Variants in AMOT observed in about 807,000 individuals in gnomAD.
AMOT encodes the protein angiomotin.
AMOT carries 11 observed loss-of-function variants against 67.0 expected under a neutral mutation model. The ratio of observed to expected loss-of-function variants is 0.16; its 90% CI spans 0.10 to 0.27. The LOEUF (loss-of-function observed/expected upper bound fraction) is 0.27, where lower values mean the gene tolerates loss of function less well. Among genes scored for constraint, AMOT ranks in the 10% least tolerant of loss-of-function variants. The pLI is 1.00. For missense variants in AMOT, 753 were observed against 852.0 expected (o/e 0.88, Z 1.45); for synonymous variants, 326 against 321.4 (o/e 1.01, Z -0.15).
intron 8 of AMOT, among the ~76,000 whole-genome samples, chrX:112,792,581 G>GT (rs1285127612): frequency 1.8e-5 from 2 of 111,790 alleles, no homozygotes; most frequent in Non-Finnish European, 3.8e-5. Context: ...CTGCTCTCCT[G>GT]GAAAGTTTCT....
intron 8 of AMOT, among the ~76,000 whole-genome samples, chrX:112,797,419 C>G (rs1018612205): frequency 1.8e-5 from 2 of 111,602 alleles, no homozygotes; most frequent in Non-Finnish European, 3.8e-5. Flanking sequence ...CAGACACACA[C>G]ACACCCACCC....
intron 4 of AMOT, among the ~76,000 whole-genome samples, chrX:112,820,662 C>A (rs4829455): frequency 0.12 from 12,869 of 111,018 alleles, 752 homozygotes; most frequent in Admixed American, 0.2. Flanking sequence ...CATCAACAGA[C>A]TCTTCCATAC....
At chrX:112,799,104 C>T (rs898934685) in intron 8 of AMOT, among the ~76,000 whole-genome samples, 6 of 112,134 alleles carry the variant, frequency 5.4e-5, no homozygotes, top group African/African-American at 1.6e-4. Flanking sequence ...CATTTATTCA[C>T]TAGTGGACAA....
At chrX:112,781,175 C>T (rs1933152943) in intron 11 of AMOT, 57 bp from the exon 12 acceptor site, 2 of 1,087,610 alleles carry the variant, frequency 1.8e-6, no homozygotes, top group African/African-American at 1.8e-5. Context: ...GGCGCGGTGG[C>T]TTACGCCTGT....
rs1934564160 is a variant in AMOT, at chrX:112,816,447, T to TA, written c.873-571dup. On this transcript the variant is annotated intron_variant, in intron 4 of 13. Coordinates refer to ENST00000371959, the MANE Select transcript of AMOT (RefSeq NM_001113490.2). ...AACTATTCAAGGATTGGTAGATACT[T>TA]ATATTAGAGACACTAAATGATTATT... Among the ~76,000 whole-genome samples, 3 of 111,760 alleles carry TA rather than the reference T, an allele frequency of 2.7e-5. 1 individual carries two copies. The Admixed American group carries it at 2.9e-4, about 11-fold the overall frequency.
At chrX:112,831,105 A>G (rs923455045) in intron 2 of AMOT, among the ~76,000 whole-genome samples, 1 of 109,960 alleles carries the variant, frequency 9.1e-6, no homozygotes, top group African/African-American at 3.3e-5. Flanking sequence ...TGGTCAATGT[A>G]TTATAGACAG....
chrX:112,811,268 A>G lies in AMOT; in HGVS notation c.1518T>C (p.Asp506=). 1 of 1,210,949 alleles carries G rather than the reference A, an allele frequency of 8.3e-7. No individual in the cohort carries two copies. The change falls in exon 6 of 14, where the codon GAT becomes GAC. Residue 506 remains aspartate (D), a synonymous_variant. Transcript: ENST00000371959. ...CCTCACCTCTCAGATCCCTGTTGAA[A>G]TCATGCATCCTCCGAATCTCGCCCT... is the stretch of plus-strand genomic sequence containing the variant. The part of the protein sequence containing the change: ...KLEGEIRRMH[D]FNRDLRERLE...
chrX:112,815,416 T>C lies in AMOT; in HGVS notation c.1334A>G (p.Asn445Ser), dbSNP rs964738689. 11 of 1,210,120 alleles carry C rather than the reference T, an allele frequency of 9.1e-6. No homozygotes were observed. The Admixed American group carries it at 2.0e-4, about 22-fold the overall frequency. The change falls in exon 5 of 14, where the codon AAC becomes AGC. Residue 445 changes from asparagine to serine, a missense_variant. By Grantham distance (46) the Asn-to-Ser change is conservative. Around this residue, in one of 5 missense-constraint regions of AMOT, gnomAD observed 297 missense variants for 284.3 expected, o/e 1.04. Coordinates refer to ENST00000371959, the MANE Select transcript of AMOT (RefSeq NM_001113490.2). Reference sequence around the variant, plus strand: ...TTCCAACTCTTGCCTCAAGTTCCGGTTCTCGTCTGAGAGGATCTCAACCAT... The same window carrying C: ...TTCCAACTCTTGCCTCAAGTTCCGGCTCTCGTCTGAGAGGATCTCAACCAT... ...QQMVEILSDE[N>S]RNLRQELEGC...
chrX:112,807,113 GA>G (rs1381310102), intron 7 of AMOT, among the ~76,000 whole-genome samples: 3 of 111,050 alleles, frequency 2.7e-5, no homozygotes, highest in African/African-American at 9.8e-5. Flanking sequence ...CACGGGAAAG[GA>G]AACATCCAAC....
intron 4 of AMOT, among the ~76,000 whole-genome samples, chrX:112,816,473 G>T (rs1464945414): frequency 8.9e-6 from 1 of 111,907 alleles, no homozygotes; most frequent in African/African-American, 3.2e-5. Context: ...AATGATTATT[G>T]TTGCTTCCAG....
chrX:112,819,481 A>T, intron 4 of AMOT: 3 of 618,149 alleles, frequency 4.9e-6, no homozygotes, highest in Non-Finnish European at 5.8e-6. Context: ...CAAGGATTTC[A>T]AGAAACCTCA....
At chrX:112,809,496 T>A (rs1934287923) in intron 7 of AMOT, among the ~76,000 whole-genome samples, 1 of 111,037 alleles carries the variant, frequency 9.0e-6, no homozygotes, top group Admixed American at 9.5e-5. Context: ...AGGTGAAGTA[T>A]TCCAAACACT....
intron 10 of AMOT, among the ~76,000 whole-genome samples, chrX:112,790,353 C>T (rs1176931473): frequency 9.1e-6 from 1 of 110,300 alleles, no homozygotes; most frequent in Non-Finnish European, 1.9e-5. Flanking sequence ...ATCATTCTGG[C>T]TTCTGGGGAA....
chrX:112,827,641 C>T (rs1161882908), intron 2 of AMOT, among the ~76,000 whole-genome samples: 1 of 111,854 alleles, frequency 8.9e-6, no homozygotes, highest in African/African-American at 3.3e-5. Flanking sequence ...TCTGTAACAA[C>T]AACAGGGAAG....
chrX:112,797,079 CTA>C (rs1454738134), intron 8 of AMOT, among the ~76,000 whole-genome samples: 1 of 111,852 alleles, frequency 8.9e-6, no homozygotes, highest in Non-Finnish European at 1.9e-5. Flanking sequence ...CTCTAGGTGA[CTA>C]TAAGATTTCT....
At chrX:112,831,863 C>T (rs1461004001) in intron 2 of AMOT, among the ~76,000 whole-genome samples, 1 of 110,399 alleles carries the variant, frequency 9.1e-6, no homozygotes, top group Admixed American at 9.7e-5. Flanking sequence ...GGGTTAGGTA[C>T]TTTGCAAATG....
Position 112,788,181 on chromosome X carries a change from T to C in AMOT, c.2117+2411A>G, listed in dbSNP as rs145041331. Among the ~76,000 whole-genome samples, 417 of 108,176 alleles carry C rather than the reference T, an allele frequency of 3.9e-3. 1 individual carries two copies. Among genetic ancestry groups the C allele is most frequent in the African/African-American group, 0.013 (389 of 29,551 alleles). 93.9% of individuals were successfully genotyped at this position (108,176 alleles called of 115,157 possible). A position where few individuals can be genotyped will look rare whatever the true frequency, so the allele number is the denominator to read the frequency against. On this transcript the variant is annotated intron_variant, in intron 10 of 13. Transcript: ENST00000371959. ...GCACACGCCTATAGTCCCAGCTGCT[T>C]GGGAGGCTGAAGTAGGAGAATGGCA...
chrX:112,814,330 C>G (rs1187842700), intron 5 of AMOT, among the ~76,000 whole-genome samples: 4 of 110,944 alleles, frequency 3.6e-5, no homozygotes, highest in African/African-American at 1.3e-4. Context: ...AAGCCCCTGT[C>G]TCCTTGAGGC....
At chrX:112,803,363 C>G (rs149822699) in intron 8 of AMOT, among the ~76,000 whole-genome samples, 1,284 of 111,745 alleles carry the variant, frequency 0.011, 11 homozygotes, top group African/African-American at 0.04. Flanking sequence ...TCAGTCTTAC[C>G]CCATCCTGTA....
Sources: gnomAD v4.1 joint callset for allele counts (sites outside exome capture counted in the v4.1 genomes callset) on GRCh38, gnomAD v4.1.1 for gene constraint, gnomAD v4.1.1 regional missense constraint, MANE v1.5 for transcripts, NCBI Gene and HGNC (gene_info 2026-07-23, HGNC 2026-07-21) for gene names.